Variants in PDE7B observed in about 807,000 individuals in gnomAD.
PDE7B encodes the protein phosphodiesterase 7B, also known as 3',5'-cyclic-AMP phosphodiesterase 7B.
In PDE7B, 29 loss-of-function variants were observed where a neutral mutation model predicts 56.2. The ratio of observed to expected loss-of-function variants is 0.52; its 90% confidence interval spans 0.38 to 0.70. The LOEUF is 0.70. Among genes scored for constraint, PDE7B ranks in the 30% least tolerant of loss-of-function variants. The probability of loss-of-function intolerance (pLI) is 0.00; values close to 1 mark genes in which losing one functional copy is unlikely to be tolerated. For synonymous variants in PDE7B, 197 were observed against 196.9 expected (o/e 1.00, Z 0.00); for missense variants, 490 against 565.0 (o/e 0.87, Z 1.35).
In PDE7B at chr6:135,904,223, G is replaced by T. The variant is rs187132173; in HGVS notation, c.22-43241G>T. ...TTATTGCAAAGTGGGGCAAGCACCT[G>T]ACCTTGTGGCAAGTCAGAATAAGTA... On this transcript the variant is annotated intron_variant, in intron 1 of 12. Transcript: ENST00000308191. Among the ~76,000 whole-genome samples the T allele has an allele frequency of 1.4e-4, 21 of 152,308 alleles. No individual in the cohort carries two copies. The East Asian group carries it at 3.9e-3, about 28-fold the overall frequency.
At chr6:136,002,991 A>AAC (rs1412897493) in intron 2 of PDE7B, among the ~76,000 whole-genome samples, 1 of 151,948 alleles carries the variant, frequency 6.6e-6, no homozygotes, top group Non-Finnish European at 1.5e-5. Flanking sequence ...CAGAAATTAT[A>AAC]ACAAACTGTC....
At chr6:135,892,457 A>G (rs1372967135) in intron 1 of PDE7B, among the ~76,000 whole-genome samples, 1 of 152,162 alleles carries the variant, frequency 6.6e-6, no homozygotes, top group East Asian at 1.9e-4. Context: ...TGACCATATG[A>G]TTTCTAAGGT....
chr6:135,918,888 G>A (rs1774010553), intron 1 of PDE7B, among the ~76,000 whole-genome samples: 4 of 152,134 alleles, frequency 2.6e-5, no homozygotes, highest in South Asian at 2.1e-4. Flanking sequence ...ATCACTATAA[G>A]TTGGCTAGTA....
In PDE7B at chr6:136,128,894, C is replaced by T. The variant is rs769881508; in HGVS notation, c.167-18457C>T. ...CCTTTGTCCCACCTTTCTGCTCCCC[C>T]CAAAGCCACCACCCCATGACTTCCC... is the stretch of plus-strand genomic sequence containing the variant. On this transcript the variant is annotated intron_variant, in intron 3 of 12. Transcript: ENST00000308191. Among the ~76,000 whole-genome samples, 4 of 152,164 alleles carry T rather than the reference C, an allele frequency of 2.6e-5. No individual in the cohort carries two copies. In the South Asian group the frequency reaches 6.2e-4, roughly 24 times the overall value.
intron 2 of PDE7B, among the ~76,000 whole-genome samples, chr6:136,025,370 A>G (rs988770202): frequency 2.0e-5 from 3 of 152,222 alleles, no homozygotes; most frequent in African/African-American, 7.2e-5. Flanking sequence ...GTGTAGAAAA[A>G]CAAATGGAAT....
At chr6:136,081,056 T>C (rs1777199647) in intron 2 of PDE7B, among the ~76,000 whole-genome samples, 1 of 152,104 alleles carries the variant, frequency 6.6e-6, no homozygotes, top group African/African-American at 2.4e-5. Context: ...TGGCACAGCA[T>C]AGTGGCAAGA....
chr6:136,173,453 T>C (rs1778925553), intron 8 of PDE7B, among the ~76,000 whole-genome samples: 1 of 152,220 alleles, frequency 6.6e-6, no homozygotes, highest in South Asian at 2.1e-4. Context: ...TAGCCGTATG[T>C]AGAAAGCTGT....
At chr6:136,004,181 T>G (rs1775730191) in intron 2 of PDE7B, among the ~76,000 whole-genome samples, 1 of 152,090 alleles carries the variant, frequency 6.6e-6, no homozygotes, top group African/African-American at 2.4e-5. Flanking sequence ...CTCAATAAAT[T>G]AGGTATTGAT....
At chr6:136,033,977 C>T (rs1286644280) in intron 2 of PDE7B, 1 of 151,918 alleles carries the variant, frequency 6.6e-6, no homozygotes, top group African/African-American at 2.4e-5. Flanking sequence ...CCATAGTTTG[C>T]ATTTTTTTCC....
chr6:136,074,883 G>A (rs993298698), intron 2 of PDE7B, among the ~76,000 whole-genome samples: 5 of 152,078 alleles, frequency 3.3e-5, no homozygotes, highest in African/African-American at 1.2e-4. Context: ...GTGCTGCTGT[G>A]CACATGGGAG....
chr6:136,153,895 G>A (rs1376149967), intron 6 of PDE7B, among the ~76,000 whole-genome samples, 180 bp from the exon 7 acceptor site: 1 of 152,078 alleles, frequency 6.6e-6, no homozygotes, highest in Non-Finnish European at 1.5e-5. Context: ...TCTGCTCTCT[G>A]CTAAAAACAG....
chr6:135,852,122 G>GT (rs915355945), intron 1 of PDE7B, 103 bp downstream of exon 1: 21 of 825,816 alleles, frequency 2.5e-5, no homozygotes, highest in Middle Eastern at 2.3e-4. Flanking sequence ...ACATATATAT[G>GT]TTTTTTGTCT....
chr6:136,124,092 A>G (rs557822955), intron 3 of PDE7B, among the ~76,000 whole-genome samples: 2 of 152,144 alleles, frequency 1.3e-5, no homozygotes, highest in African/African-American at 2.4e-5. Flanking sequence ...TCTTAAGTAG[A>G]GAAGGTTAAG....
intron 2 of PDE7B, among the ~76,000 whole-genome samples, chr6:135,981,287 G>A (rs556032040): frequency 8.8e-4 from 100 of 114,096 alleles, no homozygotes; most frequent in African/African-American, 3.2e-3. Flanking sequence ...ACTGTTGTGG[G>A]GTGGGGGGAG....
At chr6:136,124,183 T>C (rs3799385) in intron 3 of PDE7B, among the ~76,000 whole-genome samples, 1 of 151,846 alleles carries the variant, frequency 6.6e-6, no homozygotes, top group South Asian at 2.1e-4. Context: ...GGCATGAAAA[T>C]TGAAAAAGTA....
intron 2 of PDE7B, chr6:136,049,292 T>C (rs1023077359): frequency 6.6e-6 from 1 of 152,210 alleles, no homozygotes; most frequent in Non-Finnish European, 1.5e-5. Context: ...TGTAGAGACA[T>C]GGTCTTGCTA....
chr6:135,946,444 A>G (rs117377528), intron 1 of PDE7B, among the ~76,000 whole-genome samples: 2,656 of 152,220 alleles, frequency 0.017, 28 homozygotes, highest in Non-Finnish European at 0.026. Flanking sequence ...GCTATGTCAT[A>G]GGGTATGAAC....
chr6:136,052,617 G>GACCCC (rs1776650085), intron 2 of PDE7B, among the ~76,000 whole-genome samples: 1 of 142,794 alleles, frequency 7.0e-6, no homozygotes. Context: ...TTAGGGTACA[G>GACCCC]CCCCCCCCCA....
rs1246756525 is a variant in PDE7B, at chr6:135,934,864, A to AAAATATATATAAATATTTATTT, written c.22-12589_22-12568dup. Among the ~76,000 whole-genome samples, 478 of 94,780 alleles carry AAAATATATATAAATATTTATTT rather than the reference A, an allele frequency of 5.0e-3. 13 individuals carry two copies. Among genetic ancestry groups the AAAATATATATAAATATTTATTT allele is most frequent in the Middle Eastern group, 0.024 (5 of 208 alleles). The allele number at this position is 94,780 out of a possible 152,430, so 62.2% of individuals were successfully genotyped here. A position where few individuals can be genotyped will look rare whatever the true frequency, so the allele number is the denominator to read the frequency against. ...ATATTTATTTAAATAAATATATATA[A>AAAATATATATAAATATTTATTT]AAATATATATAAATATTTATTTAAA... On this transcript the variant is annotated intron_variant, in intron 1 of 12. Coordinates refer to ENST00000308191, the MANE Select transcript of PDE7B (RefSeq NM_018945.4).
Sources: allele counts gnomAD v4.1 joint callset (sites outside exome capture counted in the v4.1 genomes callset), GRCh38; gene constraint gnomAD v4.1.1; transcripts MANE v1.5; gene names NCBI Gene and HGNC (gene_info 2026-07-23, HGNC 2026-07-21).